The following GTPBP10 variants were observed in gnomAD, a reference collection of about 807,000 sequenced individuals.
GTPBP10 encodes the protein GTP-binding protein 10.
Under a neutral mutation model 44.8 loss-of-function variants are expected in GTPBP10, and 38 were observed. The ratio of observed to expected loss-of-function variants is 0.85; its 90% CI spans 0.65 to 1.11. The LOEUF is 1.11. Among genes scored for constraint, GTPBP10 ranks in the 50% most tolerant of loss-of-function variants. The pLI, the probability that GTPBP10 is intolerant of heterozygous loss-of-function variation, is 0.00. For synonymous variants in GTPBP10, 152 were observed against 150.6 expected, an observed-to-expected ratio of 1.01 and a Z score of -0.07; for missense variants, 462 against 453.7, an observed-to-expected ratio of 1.02 and a Z score of -0.17.
At chr7:90,374,718 A>G (rs1796314962) in intron 6 of GTPBP10, among the ~76,000 whole-genome samples, 1 of 152,286 alleles carries the variant, frequency 6.6e-6, no homozygotes, top group African/African-American at 2.4e-5. Flanking sequence ...TTTTTGAGAA[A>G]GAAAATGTTT....
chr7:90,351,500 A>G (rs1326189127), intron 1 of GTPBP10, among the ~76,000 whole-genome samples: 3 of 152,244 alleles, frequency 2.0e-5, no homozygotes, highest in East Asian at 3.8e-4. Context: ...TTTTGCACTC[A>G]TAACACACAG....
chr7:90,356,983 C>T (rs897957640), intron 4 of GTPBP10, among the ~76,000 whole-genome samples: 1 of 152,146 alleles, frequency 6.6e-6, no homozygotes, highest in African/African-American at 2.4e-5. Context: ...GAATGTTTAA[C>T]ATATTTTCTA....
chr7:90,357,938 A>G (rs180908503), intron 4 of GTPBP10, among the ~76,000 whole-genome samples: 1 of 152,242 alleles, frequency 6.6e-6, no homozygotes, highest in East Asian at 1.9e-4. Flanking sequence ...AGTCTTAGCC[A>G]GAACAATCAG....
In GTPBP10 at chr7:90,379,406, C is replaced by T. The variant is rs17868473; in HGVS notation, c.777+1195C>T. Among the ~76,000 whole-genome samples the T allele has an allele frequency of 8.4e-3, 1,280 of 152,196 alleles. 20 individuals are homozygous for T. The highest frequency in any genetic ancestry group is 0.029 in the African/African-American group (1,187 of 41,520). ...CCTGCCTAAAACACTTTGATAGACC[C>T]CCATAGCTGTTAGGTTAAAGTCTAA... On this transcript the variant is annotated intron_variant, in intron 8 of 9. Transcript: ENST00000222511.
At chr7:90,360,940 C>T (rs951173916) in intron 4 of GTPBP10, among the ~76,000 whole-genome samples, 4 of 152,086 alleles carry the variant, frequency 2.6e-5, no homozygotes, top group Non-Finnish European at 5.9e-5. Context: ...CTCTGTTTAT[C>T]TGTTATTGGT....
At position 90,387,665 on chromosome 7, in the gene GTPBP10, G is replaced by C. The variant is rs749766655; in HGVS notation, c.*2511G>C. 6 of 152,032 alleles carry C rather than the reference G, an allele frequency of 3.9e-5. No homozygotes were observed. The highest frequency in any genetic ancestry group is 8.8e-5 in the Non-Finnish European group (6 of 68,018). The allele number at this position is 152,032 out of a possible 1,614,324, so 9.4% of individuals were successfully genotyped here. ...ATTTATTGAGCAATGTCCTGTATCA[G>C]GCACTGTCCAAGGTGCTGTATGTGC... On this transcript the variant is annotated 3_prime_UTR_variant, in exon 10 of 10. Transcript: ENST00000222511.
At chr7:90,362,089 A>G (rs1346416182) in intron 4 of GTPBP10, among the ~76,000 whole-genome samples, 1 of 86,830 alleles carries the variant, frequency 1.2e-5, no homozygotes, top group African/African-American at 4.1e-5. Flanking sequence ...CAGCTCCTGG[A>G]TTCATTGATT....
At chr7:90,358,843 A>G (rs896708236) in intron 4 of GTPBP10, among the ~76,000 whole-genome samples, 4 of 152,232 alleles carry the variant, frequency 2.6e-5, no homozygotes, top group Non-Finnish European at 5.9e-5. Context: ...GTATTTGCAA[A>G]CTACGCATCT....
rs146751670 is a variant in GTPBP10, at chr7:90,378,095, G to A, written c.700-39G>A. 3.7e-4 allele frequency: 576 copies of A among 1,569,916 alleles called. No individual in the cohort carries two copies. In the Admixed American group the frequency reaches 7.2e-3, roughly 20 times the overall value. On this transcript the variant is annotated intron_variant, in intron 7 of 9. Transcript: ENST00000222511. ...ACATAGAAATGTATAGCTATTCTTCGTATGTTAAAGGCTGTCTCTTTCCTT... is the reference window on the plus strand; with the variant it reads ...ACATAGAAATGTATAGCTATTCTTCATATGTTAAAGGCTGTCTCTTTCCTT...
rs2115792832 is a variant in GTPBP10 at position 90,385,384 on chromosome 7, A to C, written c.*230A>C. 6.1e-6 allele frequency: 2 copies of C among 329,744 alleles called. No homozygotes were observed. Among genetic ancestry groups the C allele is most frequent in the African/African-American group, 2.1e-5 (1 of 46,930 alleles). 20.4% of individuals were successfully genotyped at this position (329,744 alleles called of 1,614,324 possible). On this transcript the variant is annotated 3_prime_UTR_variant, in exon 10 of 10. Transcript: ENST00000222511. ...GGAGGATTGAGGAGATATTGGTCAA[A>C]ATTTACAAAATTTCAGTTAGACAAG...
At chr7:90,376,703 C>A (rs943216840) in intron 6 of GTPBP10, among the ~76,000 whole-genome samples, 1 of 152,084 alleles carries the variant, frequency 6.6e-6, no homozygotes, top group African/African-American at 2.4e-5. Flanking sequence ...TTATACCAAC[C>A]TAATACTTTG....
At position 90,374,229 on chromosome 7, in the gene GTPBP10, T is replaced by A; in HGVS notation, c.539-73T>A. ...GAATTGAAATATTGTTTATGCATAA[T>A]ACCAAGACAGTTTTGAGAGTACCAG... On this transcript the variant is annotated intron_variant, in intron 5 of 9. Transcript: ENST00000222511. 9.1e-6 allele frequency: 9 copies of A among 987,564 alleles called. No individual in the cohort carries two copies. The South Asian group carries it at 1.2e-4, about 13-fold the overall frequency. 61.2% of individuals were successfully genotyped at this position (987,564 alleles called of 1,614,324 possible).
At chr7:90,352,577 A>G (rs1289205423) in intron 1 of GTPBP10, among the ~76,000 whole-genome samples, 1 of 152,238 alleles carries the variant, frequency 6.6e-6, no homozygotes, top group Non-Finnish European at 1.5e-5. Flanking sequence ...AACCCTCAGG[A>G]TAGGTGGGAC....
intron 4 of GTPBP10, among the ~76,000 whole-genome samples, chr7:90,370,788 G>A (rs939186572): frequency 5.3e-5 from 8 of 152,118 alleles, no homozygotes; most frequent in Admixed American, 1.3e-4. Context: ...GGCAGATCAC[G>A]AGGTCAGGAG....
chr7:90,377,609 T>C lies in GTPBP10; in HGVS notation c.694T>C (p.Phe232Leu), dbSNP rs752389504. The change falls in exon 7 of 10, where the codon TTT becomes CTT. Residue 232 changes from phenylalanine (F) to leucine (L), a missense_variant. Physicochemically the swap from Phe to Leu is conservative, Grantham distance 22. Coordinates refer to ENST00000222511, the MANE Select transcript of GTPBP10 (RefSeq NM_033107.4). Reference sequence around the variant, plus strand: ...TATAGAAAGAACTAGACAACTACTTTTTGTTGTAAGTCATATGTATACTAA... The same window carrying C: ...TATAGAAAGAACTAGACAACTACTTCTTGTTGTAAGTCATATGTATACTAA... ...KHIERTRQLL[F>L]VVDISGFQLS... is the part of the protein sequence containing the mutation. The C allele has an allele frequency of 1.9e-6, 3 of 1,592,504 alleles. No individual in the cohort carries two copies. The highest frequency in any genetic ancestry group is 4.5e-5 in the East Asian group (2 of 44,588).
At chr7:90,351,852 C>T (rs996474665) in intron 1 of GTPBP10, among the ~76,000 whole-genome samples, 3 of 152,152 alleles carry the variant, frequency 2.0e-5, no homozygotes, top group South Asian at 2.1e-4. Flanking sequence ...CCCGCCACCA[C>T]GCCTGGCTAG....
chr7:90,353,347 C>G (rs1031481640), intron 2 of GTPBP10: 8 of 176,842 alleles, frequency 4.5e-5, no homozygotes, highest in Non-Finnish European at 8.4e-5. Context: ...CCATGCTACT[C>G]TACCCCACCA....
chr7:90,353,205 G>C lies in GTPBP10; in HGVS notation c.227+196G>C, dbSNP rs1795828127. 5 of 439,458 alleles carry C rather than the reference G, an allele frequency of 1.1e-5. No homozygotes were observed. In the East Asian group the frequency reaches 1.4e-4, roughly 12 times the overall value. 27.2% of individuals were successfully genotyped at this position (439,458 alleles called of 1,614,324 possible). A position where few individuals can be genotyped will look rare whatever the true frequency, so the allele number is the denominator to read the frequency against. On this transcript the variant is annotated intron_variant, in intron 2 of 9. Transcript: ENST00000222511. ...ATATTTCAGAGTTTTAAAACTTTCTGTCCGTTTCTTTTCCCAATGTCTATC... is the reference window on the plus strand; with the variant it reads ...ATATTTCAGAGTTTTAAAACTTTCTCTCCGTTTCTTTTCCCAATGTCTATC...
At chr7:90,362,344 A>G (rs174067) in intron 4 of GTPBP10, among the ~76,000 whole-genome samples, 135,901 of 152,148 alleles carry the variant, frequency 0.89, 60,896 homozygotes, top group East Asian at 1. Flanking sequence ...GTTTGTTCTC[A>G]TTGGTTTCAA....
Sources: allele counts gnomAD v4.1 joint callset (sites outside exome capture counted in the v4.1 genomes callset), GRCh38; gene constraint gnomAD v4.1.1; transcripts MANE v1.5; gene names NCBI Gene and HGNC (gene_info 2026-07-23, HGNC 2026-07-21).